ZNF385B: variants seen among roughly 807,000 people sequenced by gnomAD.
ZNF385B encodes zinc finger protein 385B, also known as zinc finger protein 533.
Under a neutral mutation model 39.2 loss-of-function variants are expected in ZNF385B, and 23 were observed. The ratio of observed to expected loss-of-function variants is 0.59; its 90% CI spans 0.42 to 0.83. The LOEUF (loss-of-function observed/expected upper bound fraction) is 0.83, where lower values mean the gene tolerates loss of function less well. Ranked by LOEUF, ZNF385B falls within the 40% of genes least tolerant of loss-of-function variation. The probability of loss-of-function intolerance (pLI) is 0.00; values close to 1 mark genes in which losing one functional copy is unlikely to be tolerated. For synonymous variants in ZNF385B, 205 were observed against 222.6 expected, an observed-to-expected ratio of 0.92 and a Z score of 0.70; for missense variants, 552 against 598.9, an observed-to-expected ratio of 0.92 and a Z score of 0.82.
chr2:179,618,442 A>G (rs1043173270), intron 3 of ZNF385B, among the ~76,000 whole-genome samples: 2 of 152,118 alleles, frequency 1.3e-5, no homozygotes, highest in African/African-American at 4.8e-5. Flanking sequence ...CTAAGATTCA[A>G]TTTCCTCCAA....
At chr2:179,788,336 C>T (rs374175514) in intron 1 of ZNF385B, among the ~76,000 whole-genome samples, 4 of 152,128 alleles carry the variant, frequency 2.6e-5, no homozygotes, top group African/African-American at 9.7e-5. Flanking sequence ...TGCAGTTACC[C>T]TATTACAAGC....
intron 3 of ZNF385B, among the ~76,000 whole-genome samples, chr2:179,706,817 AAG>A (rs1357768217): frequency 6.6e-6 from 1 of 152,122 alleles, no homozygotes; most frequent in Non-Finnish European, 1.5e-5. Flanking sequence ...TATGACTAGA[AAG>A]AGATGCCAGA....
intron 3 of ZNF385B, among the ~76,000 whole-genome samples, chr2:179,596,266 A>G (rs188153897): frequency 3.2e-4 from 48 of 152,258 alleles, no homozygotes; most frequent in Non-Finnish European, 5.6e-4. Context: ...CCCCTGGACT[A>G]CTGGTTCTGC....
rs71425639 is a variant in ZNF385B, at chr2:179,588,332, C to A, written c.299-43363G>T. On this transcript the variant is annotated intron_variant, in intron 3 of 9. Transcript: ENST00000410066. ...CTCAATCTCCTGACCTCGTGATCCG[C>A]CCGCCTCGTCCTCCCCCTTCTCTCT... 5.9e-3 allele frequency among the ~76,000 whole-genome samples: 902 copies of A among 152,242 alleles called. 8 individuals are homozygous for A. The highest frequency in any genetic ancestry group is 0.013 in the South Asian group (61 of 4,820).
At chr2:179,860,878 A>T (rs1405764917) in intron 1 of ZNF385B, 30 of 293,284 alleles carry the variant, frequency 1.0e-4, no homozygotes, top group South Asian at 2.7e-4. Flanking sequence ...AGGGACTCGC[A>T]GGAGTTAGGA....
intron 5 of ZNF385B, among the ~76,000 whole-genome samples, chr2:179,504,382 G>GTA (rs1346904073): frequency 9.9e-5 from 15 of 152,022 alleles, no homozygotes; most frequent in African/African-American, 3.6e-4. Flanking sequence ...AGTCCTTTGG[G>GTA]TATATATCCA....
intron 4 of ZNF385B, among the ~76,000 whole-genome samples, chr2:179,541,238 G>A (rs2105896366): frequency 6.6e-6 from 1 of 152,236 alleles, no homozygotes; most frequent in East Asian, 1.9e-4. Flanking sequence ...TATGCATTGA[G>A]AGAGATTCTG....
At chr2:179,805,362 T>C (rs1051768711) in intron 1 of ZNF385B, among the ~76,000 whole-genome samples, 2 of 152,140 alleles carry the variant, frequency 1.3e-5, no homozygotes, top group Admixed American at 1.3e-4. Context: ...AGCCCATAGA[T>C]GTGTAAGGCA....
intron 3 of ZNF385B, among the ~76,000 whole-genome samples, chr2:179,610,025 GTTGA>G (rs2106129108): frequency 1.3e-5 from 2 of 152,238 alleles, no homozygotes; most frequent in African/African-American, 4.8e-5. Flanking sequence ...TCCTCACCTT[GTTGA>G]TTGTTTGCTT....
intron 3 of ZNF385B, among the ~76,000 whole-genome samples, chr2:179,746,242 GCTC>G (rs1702375173): frequency 1.3e-5 from 2 of 152,110 alleles, no homozygotes; most frequent in Admixed American, 1.3e-4. Flanking sequence ...GTTAAAAATA[GCTC>G]TGGCTTTTCA....
chr2:179,588,992 C>T (rs1320026215), intron 3 of ZNF385B, among the ~76,000 whole-genome samples: 2 of 152,160 alleles, frequency 1.3e-5, no homozygotes, highest in Admixed American at 1.3e-4. Context: ...CCTGAAACCT[C>T]TTGCCTCTGT....
At position 179,794,605 on chromosome 2, in the gene ZNF385B, G is replaced by A. The variant is rs543406285; in HGVS notation, c.-154-23933C>T. On this transcript the variant is annotated intron_variant, in intron 1 of 9. Transcript: ENST00000410066. ...ATATTAATAACTGTTTGATTCTTAC[G>A]ATTTCTCTAGATTTGATTTGGCGTA... Among the ~76,000 whole-genome samples the A allele has an allele frequency of 2.3e-4, 35 of 152,128 alleles. No individual in the cohort carries two copies. In the South Asian group the frequency reaches 3.9e-3, roughly 17 times the overall value.
intron 5 of ZNF385B, among the ~76,000 whole-genome samples, chr2:179,506,479 T>G: frequency 6.6e-6 from 1 of 152,172 alleles, no homozygotes; most frequent in East Asian, 1.9e-4. Context: ...AAATAAAATG[T>G]AATATCAGTG....
chr2:179,678,570 C>G (rs1014034954), intron 3 of ZNF385B, among the ~76,000 whole-genome samples: 1 of 152,182 alleles, frequency 6.6e-6, no homozygotes, highest in Non-Finnish European at 1.5e-5. Context: ...AAGTAGGAAC[C>G]TGGTTTCCTG....
chr2:179,760,223 C>CGT lies in ZNF385B; in HGVS notation c.298+9278_298+9279dup, dbSNP rs1553525685. The stretch of plus-strand genomic sequence containing the variant: ...CCAGTATTACCTGGATTCCTGTGTG[C>CGT]GTGTGTGTGTGTGTGTGTGTGTGTG... On this transcript the variant is annotated intron_variant, in intron 3 of 9. Transcript: ENST00000410066. Among the ~76,000 whole-genome samples, 51 of 144,546 alleles carry CGT rather than the reference C, an allele frequency of 3.5e-4. No individual in the cohort carries two copies. In the South Asian group the frequency reaches 4.6e-3, roughly 13 times the overall value. 94.8% of individuals were successfully genotyped at this position (144,546 alleles called of 152,430 possible). A position where few individuals can be genotyped will look rare whatever the true frequency, so the allele number is the denominator to read the frequency against.
At chr2:179,808,339 T>C (rs1225084078) in intron 1 of ZNF385B, among the ~76,000 whole-genome samples, 1 of 152,186 alleles carries the variant, frequency 6.6e-6, no homozygotes, top group African/African-American at 2.4e-5. Flanking sequence ...GCCTATAATT[T>C]TTATATGATA....
intron 3 of ZNF385B, among the ~76,000 whole-genome samples, chr2:179,641,539 T>C (rs1348963680): frequency 1.3e-5 from 2 of 152,140 alleles, no homozygotes; most frequent in Admixed American, 1.3e-4. Flanking sequence ...AGAAATGGAC[T>C]CTTGGAAATT....
chr2:179,833,949 T>C (rs970383540), intron 1 of ZNF385B, among the ~76,000 whole-genome samples: 27 of 152,278 alleles, frequency 1.8e-4, no homozygotes, highest in African/African-American at 5.8e-4. Context: ...GGTATTGATA[T>C]TGGTGTAGCA....
At chr2:179,738,553 G>C (rs1006737464) in intron 3 of ZNF385B, among the ~76,000 whole-genome samples, 1 of 152,062 alleles carries the variant, frequency 6.6e-6, no homozygotes, top group African/African-American at 2.4e-5. Flanking sequence ...TTCCTACATC[G>C]TTTTTCACTA....
Sources: gnomAD v4.1 joint callset for allele counts (sites outside exome capture counted in the v4.1 genomes callset) on GRCh38, gnomAD v4.1.1 for gene constraint, MANE v1.5 for transcripts, NCBI Gene and HGNC (gene_info 2026-07-23, HGNC 2026-07-21) for gene names.